The following PEX5L variants were observed in gnomAD, a reference collection of about 807,000 sequenced individuals.
PEX5L encodes peroxisomal biogenesis factor 5 like.
Under a neutral mutation model 84.0 loss-of-function variants are expected in PEX5L, and 30 were observed. The observed-to-expected ratio is 0.36, with a 90% CI of 0.27 to 0.48. PEX5L has a LOEUF of 0.48. Among genes scored for constraint, PEX5L ranks in the 20% least tolerant of loss-of-function variants. The pLI is 0.99. For missense variants in PEX5L, 533 were observed against 754.6 expected, an observed-to-expected ratio of 0.71 and a Z score of 3.44; for synonymous variants, 270 against 283.1, an observed-to-expected ratio of 0.95 and a Z score of 0.46.
intron 2 of PEX5L, among the ~76,000 whole-genome samples, chr3:179,941,240 T>C (rs1393322508): frequency 2.6e-5 from 4 of 152,366 alleles, no homozygotes; most frequent in South Asian, 2.1e-4. Flanking sequence ...GATTTAAACA[T>C]GTACAGTTCA....
In PEX5L at chr3:179,824,967, C is replaced by T. The variant is rs540225129; in HGVS notation, c.823-4991G>A. 2.0e-5 allele frequency among the ~76,000 whole-genome samples: 3 copies of T among 152,280 alleles called. No homozygotes were observed. In the South Asian group the frequency reaches 6.2e-4, roughly 32 times the overall value. On this transcript the variant is annotated intron_variant, in intron 8 of 14. Coordinates refer to ENST00000467460, the MANE Select transcript of PEX5L (RefSeq NM_016559.3). ...AGATTTTATGTGGCTGCCCAAAGAA[C>T]ATATTCAACCCAGAGCTACATCACA...
intron 2 of PEX5L, among the ~76,000 whole-genome samples, chr3:179,914,426 G>A (rs1766294870): frequency 6.6e-6 from 1 of 152,128 alleles, no homozygotes; most frequent in African/African-American, 2.4e-5. Flanking sequence ...TTTACTTGGT[G>A]AATTCCATGT....
chr3:179,837,922 G>A (rs12492758), intron 8 of PEX5L, among the ~76,000 whole-genome samples: 34,550 of 152,046 alleles, frequency 0.23, 5,193 homozygotes, highest in East Asian at 0.63. Flanking sequence ...GCTAAGGAGT[G>A]CATCCAAACT....
intron 2 of PEX5L, among the ~76,000 whole-genome samples, chr3:179,927,944 A>C (rs753497884): frequency 2.6e-5 from 4 of 152,354 alleles, no homozygotes; most frequent in South Asian, 4.1e-4. Flanking sequence ...GTGATCATAA[A>C]ATATTATTAA....
At chr3:179,826,312 G>A (rs1730471352) in intron 8 of PEX5L, among the ~76,000 whole-genome samples, 1 of 152,200 alleles carries the variant, frequency 6.6e-6, no homozygotes, top group Admixed American at 6.5e-5. Context: ...AAAGAGCAAA[G>A]TATGTTGTCT....
At chr3:179,825,269 A>C (rs73058618) in intron 8 of PEX5L, among the ~76,000 whole-genome samples, 2,531 of 152,318 alleles carry the variant, frequency 0.017, 70 homozygotes, top group African/African-American at 0.058. Context: ...ATGAAAGGCA[A>C]TTCCAGGGGG....
rs540507299 is a variant in PEX5L at position 179,854,390 on chromosome 3, T to C, written c.822+4672A>G. On this transcript the variant is annotated intron_variant, in intron 8 of 14. Transcript: ENST00000467460. The stretch of plus-strand genomic sequence containing the variant: ...CTTAGTCGATTTGCACATTTCCAGG[T>C]ATTAATATAAGTAAAAATGGGTTCA... Among the ~76,000 whole-genome samples the C allele has an allele frequency of 2.8e-4, 43 of 152,176 alleles. No homozygotes were observed. The South Asian group carries it at 8.7e-3, about 31-fold the overall frequency.
At chr3:179,969,021 T>C (rs1784094843) in intron 2 of PEX5L, among the ~76,000 whole-genome samples, 1 of 152,094 alleles carries the variant, frequency 6.6e-6, no homozygotes, top group Non-Finnish European at 1.5e-5. Flanking sequence ...AATTTGCTTA[T>C]ATAAGCAAGA....
intron 1 of PEX5L, among the ~76,000 whole-genome samples, chr3:180,006,863 G>A (rs1051150146): frequency 8.5e-5 from 13 of 152,154 alleles, no homozygotes; most frequent in African/African-American, 3.1e-4. Flanking sequence ...CACAACATGT[G>A]GGAATTCTGG....
At chr3:179,914,865 T>A (rs1173568552) in intron 2 of PEX5L, among the ~76,000 whole-genome samples, 2 of 152,230 alleles carry the variant, frequency 1.3e-5, no homozygotes, top group African/African-American at 4.8e-5. Flanking sequence ...GCAAAGCCTT[T>A]GCAGTGATAG....
intron 14 of PEX5L, among the ~76,000 whole-genome samples, 170 bp from the exon 15 acceptor site, chr3:179,802,202 G>A (rs1719129434): frequency 6.6e-6 from 1 of 152,044 alleles, no homozygotes. Context: ...ATATTCTTTA[G>A]TGAGCAATCA....
chr3:179,808,515 G>T, intron 12 of PEX5L, 78 bp from the exon 13 acceptor site: 1 of 1,130,240 alleles, frequency 8.8e-7, no homozygotes, highest in Non-Finnish European at 1.2e-6. Context: ...TCCCTTGACT[G>T]TATTTCAAGA....
chr3:179,835,746 G>C (rs1440133085), intron 8 of PEX5L, among the ~76,000 whole-genome samples: 1 of 152,044 alleles, frequency 6.6e-6, no homozygotes. Flanking sequence ...TTTTCATATG[G>C]GGAACTCCAA....
chr3:179,955,858 C>A (rs1172769963), intron 2 of PEX5L, among the ~76,000 whole-genome samples: 10 of 152,152 alleles, frequency 6.6e-5, no homozygotes, highest in African/African-American at 2.4e-4. Context: ...TTCATAAAAT[C>A]ATGCCATACT....
chr3:179,927,528 A>G (rs993140299), intron 2 of PEX5L, among the ~76,000 whole-genome samples: 1 of 152,254 alleles, frequency 6.6e-6, no homozygotes, highest in Non-Finnish European at 1.5e-5. Context: ...AGGCAAGTAT[A>G]AAAATTGGAA....
chr3:179,921,383 G>A (rs918879448), intron 2 of PEX5L, among the ~76,000 whole-genome samples: 37 of 152,178 alleles, frequency 2.4e-4, no homozygotes, highest in African/African-American at 8.7e-4. Flanking sequence ...CTCGCAGAAT[G>A]AAGGCTTTTC....
chr3:179,841,801 C>T (rs888193820), intron 8 of PEX5L, among the ~76,000 whole-genome samples: 9 of 152,164 alleles, frequency 5.9e-5, no homozygotes, highest in African/African-American at 1.9e-4. Flanking sequence ...CTATTTTGTG[C>T]ATATTTTACT....
At chr3:179,823,747 T>G (rs1044275215) in intron 8 of PEX5L, among the ~76,000 whole-genome samples, 2 of 152,228 alleles carry the variant, frequency 1.3e-5, no homozygotes, top group Non-Finnish European at 2.9e-5. Context: ...TGCTTGAATT[T>G]GAGCAAGTCA....
Position 179,887,872 on chromosome 3 carries a change from A to G in PEX5L, c.199-88T>C, listed in dbSNP as rs1393804334. On this transcript the variant is annotated intron_variant, in intron 3 of 14. Transcript: ENST00000467460. ...AATGCAGCCTTGCAACAAAATGAGA[A>G]TAGCAAGCCTACCAAAAATAAATAA... is the stretch of plus-strand genomic sequence containing the variant. 5 of 859,744 alleles carry G rather than the reference A, an allele frequency of 5.8e-6. No homozygotes were observed. In the African/African-American group the frequency reaches 6.8e-5, roughly 12 times the overall value. 53.3% of individuals were successfully genotyped at this position (859,744 alleles called of 1,614,324 possible).
Sources: gnomAD v4.1 joint callset for allele counts (sites outside exome capture counted in the v4.1 genomes callset) on GRCh38, gnomAD v4.1.1 for gene constraint, MANE v1.5 for transcripts, NCBI Gene and HGNC (gene_info 2026-07-23, HGNC 2026-07-21) for gene names.